The following USP54 variants were observed in gnomAD, a reference collection of about 807,000 sequenced individuals.
USP54 encodes the protein ubiquitin carboxyl-terminal hydrolase 54.
USP54 carries 87 observed loss-of-function variants against 170.5 expected under a neutral mutation model. The observed-to-expected ratio is 0.51, with a 90% CI of 0.43 to 0.61. USP54 has a LOEUF of 0.61. Among genes scored for constraint, USP54 ranks in the 20% least tolerant of loss-of-function variants. USP54 has a pLI of 0.00. For missense variants in USP54, 1,786 were observed against 2,047.8 expected (o/e 0.87, Z 2.47); for synonymous variants, 655 against 742.8 (o/e 0.88, Z 1.92).
At chr10:73,520,419 A>T (rs1395618685) in intron 18 of USP54, among the ~76,000 whole-genome samples, 1 of 152,180 alleles carries the variant, frequency 6.6e-6, no homozygotes, top group African/African-American at 2.4e-5. Context: ...GGTCACATAC[A>T]AGAAGCTGAT....
chr10:73,610,450 C>T (rs187730286), intron 1 of USP54, among the ~76,000 whole-genome samples: 79 of 152,074 alleles, frequency 5.2e-4, no homozygotes, highest in African/African-American at 1.8e-3. Context: ...GGTGAAACCC[C>T]AACTCTACTA....
chr10:73,619,032 G>C (rs961131107), intron 1 of USP54, among the ~76,000 whole-genome samples: 1 of 149,942 alleles, frequency 6.7e-6, no homozygotes, highest in Non-Finnish European at 1.5e-5. Flanking sequence ...AGCCAACGTG[G>C]TGAAACCCTG....
intron 20 of USP54, 177 bp from the exon 21 acceptor site, chr10:73,505,603 GCT>G (rs1271187124): frequency 1.9e-6 from 1 of 531,350 alleles, no homozygotes. Context: ...GGGCGCGGTG[GCT>G]CACACCTGTA....
At chr10:73,569,636 C>A (rs1226517577) in intron 4 of USP54, among the ~76,000 whole-genome samples, 1 of 151,402 alleles carries the variant, frequency 6.6e-6, no homozygotes, top group African/African-American at 2.4e-5. Context: ...GCCTGTAATC[C>A]CAGCTACTCG....
chr10:73,552,139 T>C (rs2069536920), intron 4 of USP54, among the ~76,000 whole-genome samples: 1 of 152,214 alleles, frequency 6.6e-6, no homozygotes, highest in Non-Finnish European at 1.5e-5. Context: ...TTCAGCTATA[T>C]GATCTCGGGT....
chr10:73,526,350 C>T (rs1001766586), intron 16 of USP54, among the ~76,000 whole-genome samples: 3 of 152,106 alleles, frequency 2.0e-5, no homozygotes, highest in Admixed American at 1.3e-4. Context: ...CAGGTTCAAG[C>T]AATTCTCCTG....
rs1391233715 is a variant in USP54 at position 73,500,774 on chromosome 10, G to A, written c.4376C>T (p.Pro1459Leu). The change falls in exon 23 of 24, where the codon CCT (proline) becomes CTT (leucine). Residue 1459 changes from proline to leucine, a missense_variant. Pro to Leu is a moderately conservative substitution (Grantham distance 98). Around this residue, in one of 3 missense-constraint regions of USP54, gnomAD observed 1,418 missense variants for 1,569.0 expected, o/e 0.90. Transcript: ENST00000687698. ...GHRCSSSSSLPVIHDPSVFLL... is the reference protein window; with the variant it reads ...GHRCSSSSSLLVIHDPSVFLL... Reference sequence around the variant, plus strand: ...AAACACAGAAGGGTCATGGATGACAGGGAGGGAAGAGGAGCTGGAACAACG... The same window carrying A: ...AAACACAGAAGGGTCATGGATGACAAGGAGGGAAGAGGAGCTGGAACAACG... The A allele has an allele frequency of 4.4e-6, 7 of 1,601,774 alleles. No homozygotes were observed. The highest frequency in any genetic ancestry group is 1.8e-5 in the Admixed American group (1 of 56,740).
intron 1 of USP54, among the ~76,000 whole-genome samples, chr10:73,583,888 T>A (rs1209077152): frequency 6.6e-6 from 1 of 152,250 alleles, no homozygotes; most frequent in South Asian, 2.1e-4. Flanking sequence ...TTCCTGGTTC[T>A]GATAAATGTA....
chr10:73,614,055 A>AGCCGG (rs2080395650), intron 1 of USP54: 1 of 151,792 alleles, frequency 6.6e-6, no homozygotes, highest in African/African-American at 2.4e-5. Flanking sequence ...TACAAAAATT[A>AGCCGG]GTCACACGTG....
At position 73,516,542 on chromosome 10, in the gene USP54, G is replaced by A; in HGVS notation, c.3884C>T (p.Thr1295Ile). 1 of 1,614,162 alleles carries A rather than the reference G, an allele frequency of 6.2e-7. No homozygotes were observed. The highest frequency in any genetic ancestry group is 1.1e-5 in the South Asian group (1 of 91,086). ...SSPHDSHTCVTYPERNHILLH... is the reference protein window; with the variant it reads ...SSPHDSHTCVIYPERNHILLH... ...AAGGATGTGATTTCTCTCTGGATAGGTTACACACGTATGGGAATCATGAGG... is the reference window on the plus strand; with the variant it reads ...AAGGATGTGATTTCTCTCTGGATAGATTACACACGTATGGGAATCATGAGG... The change falls in exon 20 of 24, where the codon ACC becomes ATC. Residue 1295 changes from threonine (T) to isoleucine (I), a missense_variant. Physicochemically the swap from Thr to Ile is moderately conservative, Grantham distance 89. Transcript: ENST00000687698.
intron 4 of USP54, among the ~76,000 whole-genome samples, chr10:73,570,601 A>G (rs1471129484): frequency 5.8e-5 from 8 of 137,006 alleles, no homozygotes; most frequent in African/African-American, 2.2e-4. Flanking sequence ...CCCAGGCTGG[A>G]GTGCAGTGGT....
chr10:73,527,107 G>C (rs1020162238), intron 15 of USP54, among the ~76,000 whole-genome samples: 1 of 152,130 alleles, frequency 6.6e-6, no homozygotes, highest in Non-Finnish European at 1.5e-5. Context: ...AACTCAACAG[G>C]ATCCTGTGGA....
intron 1 of USP54, among the ~76,000 whole-genome samples, chr10:73,613,132 C>CTTTTTT (rs967595386): frequency 7.8e-6 from 1 of 127,416 alleles, no homozygotes; most frequent in African/African-American, 3.0e-5. Context: ...ATTCCAGCCT[C>CTTTTTT]TTTTTTTTTT....
At chr10:73,586,256 T>C (rs991903347) in intron 1 of USP54, among the ~76,000 whole-genome samples, 3 of 152,224 alleles carry the variant, frequency 2.0e-5, no homozygotes, top group Middle Eastern at 3.2e-3. Context: ...TTGACTCTAA[T>C]ATTGCCTCTC....
In USP54 at chr10:73,517,583, G is replaced by A; in HGVS notation, c.2843C>T (p.Pro948Leu). The A allele has an allele frequency of 6.2e-7, 1 of 1,614,202 alleles. No homozygotes were observed. The highest frequency in any genetic ancestry group is 8.5e-7 in the Non-Finnish European group (1 of 1,180,036). ...CAGAAGCTTCAAGGCAGATCTACTG[G>A]GGGAGCTGTGCTGTGGGGCAGATGA... Reference protein sequence around the residue: ...PESSAPQHSSPSRSALKLLTS... With the variant: ...PESSAPQHSSLSRSALKLLTS... Residue 948 changes from proline (P) to leucine (L), a missense_variant, in exon 20 of 24, where the codon CCC (proline) becomes CTC (leucine). Around this residue, in one of 3 missense-constraint regions of USP54, gnomAD observed 1,418 missense variants for 1,569.0 expected, o/e 0.90. Coordinates refer to ENST00000687698, the MANE Select transcript of USP54 (RefSeq NM_001391956.1).
At chr10:73,574,707 G>A (rs748410340) in intron 3 of USP54, among the ~76,000 whole-genome samples, 12 of 152,002 alleles carry the variant, frequency 7.9e-5, no homozygotes, top group Non-Finnish European at 1.5e-4. Context: ...AACCCAAGAG[G>A]CAGAGGTTGC....
At chr10:73,499,737 A>T (rs1016504379) in intron 23 of USP54, 2 of 152,572 alleles carry the variant, frequency 1.3e-5, no homozygotes, top group East Asian at 3.9e-4. Flanking sequence ...ACTTTTCTTA[A>T]AATGTTACCT....
Position 73,530,697 on chromosome 10 carries a change from G to A in USP54, c.1447+7C>T, listed in dbSNP as rs768087808. The A allele has an allele frequency of 3.1e-6, 5 of 1,614,014 alleles. No individual in the cohort carries two copies. The Admixed American group carries it at 6.7e-5, about 22-fold the overall frequency. On this transcript the variant is annotated splice_region_variant and intron_variant, in intron 13 of 23. Coordinates refer to ENST00000687698, the MANE Select transcript of USP54 (RefSeq NM_001391956.1). ...AGGAGAAAGAGAAGCAGTGCAGAAG[G>A]GCTTGCCTTCACTGTGGTATCCCGA...
At chr10:73,585,789 G>A (rs560940384) in intron 1 of USP54, among the ~76,000 whole-genome samples, 1 of 152,326 alleles carries the variant, frequency 6.6e-6, no homozygotes, top group South Asian at 2.1e-4. Context: ...TTAGGAGGCT[G>A]AGGTGGGCAG....
Sources: gnomAD v4.1 joint callset for allele counts (sites outside exome capture counted in the v4.1 genomes callset) on GRCh38, gnomAD v4.1.1 for gene constraint, gnomAD v4.1.1 regional missense constraint, MANE v1.5 for transcripts, NCBI Gene and HGNC (gene_info 2026-07-23, HGNC 2026-07-21) for gene names.